OTOA: variants seen among roughly 807,000 people sequenced by gnomAD.
OTOA encodes the protein cancer/testis antigen 108.
A neutral mutation model predicts 110.8 loss-of-function variants in OTOA; 70 were observed. The ratio of observed to expected loss-of-function variants is 0.63; its 90% CI spans 0.52 to 0.77. The LOEUF is 0.77. OTOA is among the 30% of genes least tolerant of loss of function. The pLI is 0.00. For missense variants in OTOA, 917 were observed against 1,075.8 expected (o/e 0.85, Z 2.06); for synonymous variants, 373 against 431.5 (o/e 0.86, Z 1.68).
intron 11 of OTOA, among the ~76,000 whole-genome samples, chr16:21,701,948 G>GTT (rs66850947): frequency 1.0e-5 from 1 of 96,240 alleles, no homozygotes; most frequent in Non-Finnish European, 2.1e-5. Flanking sequence ...ATTCAATCCT[G>GTT]TTTTTTTTTT....
chr16:21,713,117 C>T (rs1415853460), intron 13 of OTOA, among the ~76,000 whole-genome samples: 1 of 152,064 alleles, frequency 6.6e-6, no homozygotes, highest in Non-Finnish European at 1.5e-5. Context: ...GCACATGCCA[C>T]TACGCCGGGC....
At chr16:21,691,561 A>T in intron 8 of OTOA, 23 bp from the exon 9 acceptor site, 2 of 1,591,316 alleles carry the variant, frequency 1.3e-6, no homozygotes, top group Non-Finnish European at 1.7e-6. Context: ...TTATTAGCTG[A>T]TGCCTGTGTT....
intron 17 of OTOA, 122 bp from the exon 18 acceptor site, chr16:21,722,783 G>A: frequency 1.2e-6 from 1 of 820,890 alleles, no homozygotes. Flanking sequence ...TTACATCATA[G>A]GGTGCTCTAT....
At chr16:21,702,566 G>A (rs779726668) in intron 11 of OTOA, among the ~76,000 whole-genome samples, 131 of 152,214 alleles carry the variant, frequency 8.6e-4, no homozygotes, top group Non-Finnish European at 1.1e-3. Flanking sequence ...CTATACTTCC[G>A]CTTCCCCATC....
rs1798989012 is a variant in OTOA at position 21,702,418 on chromosome 16, G to A, written c.980+1391G>A. Among the ~76,000 whole-genome samples the A allele has an allele frequency of 2.0e-5, 3 of 152,104 alleles. No homozygotes were observed. In the South Asian group the frequency reaches 6.2e-4, roughly 32 times the overall value. On this transcript the variant is annotated intron_variant, in intron 11 of 28. Transcript: ENST00000646100. ...TAGTAATTTTCACTTATTAGCATGT[G>A]TCTCATTTTTCTATGGTTTCACACA... is the stretch of plus-strand genomic sequence containing the variant.
At chr16:21,665,543 C>G (rs1966839226) in intron 1 of OTOA, among the ~76,000 whole-genome samples, 1 of 152,104 alleles carries the variant, frequency 6.6e-6, no homozygotes, top group Admixed American at 6.6e-5. Context: ...GCACTGAACT[C>G]ATCTGTGAAA....
At chr16:21,685,589 G>A (rs1440211083) in intron 7 of OTOA, among the ~76,000 whole-genome samples, 1 of 152,104 alleles carries the variant, frequency 6.6e-6, no homozygotes, top group Non-Finnish European at 1.5e-5. Flanking sequence ...TTGTTTTAGA[G>A]TCTCACTCTG....
At chr16:21,703,841 A>G (rs930048890) in intron 11 of OTOA, among the ~76,000 whole-genome samples, 11 of 152,142 alleles carry the variant, frequency 7.2e-5, no homozygotes, top group East Asian at 3.9e-4. Context: ...GATGTATGCA[A>G]ATCAGTTGGT....
chr16:21,712,794 G>A (rs1898399846), intron 13 of OTOA, among the ~76,000 whole-genome samples: 1 of 151,982 alleles, frequency 6.6e-6, no homozygotes, highest in South Asian at 2.1e-4. Context: ...GCAGTGAGCC[G>A]AGATCGCATC....
intron 11 of OTOA, among the ~76,000 whole-genome samples, chr16:21,702,471 A>G (rs1390441233): frequency 1.3e-5 from 2 of 152,128 alleles, no homozygotes; most frequent in African/African-American, 2.4e-5. Context: ...GATTAAGAAC[A>G]TGGGACCTCG....
intron 11 of OTOA, among the ~76,000 whole-genome samples, chr16:21,704,726 C>T (rs1019467617): frequency 1.3e-5 from 2 of 152,020 alleles, no homozygotes; most frequent in Non-Finnish European, 2.9e-5. Context: ...TAGAGAGAAA[C>T]GGTTACTGTG....
chr16:21,696,746 C>T (rs952091320), intron 9 of OTOA, among the ~76,000 whole-genome samples: 3 of 151,676 alleles, frequency 2.0e-5, no homozygotes, highest in African/African-American at 7.3e-5. Flanking sequence ...TTAGTAGAGA[C>T]GGGATTTCGT....
At chr16:21,756,404 A>T (rs1899986788) in intron 27 of OTOA, among the ~76,000 whole-genome samples, 1 of 152,084 alleles carries the variant, frequency 6.6e-6, no homozygotes, top group Admixed American at 6.6e-5. Flanking sequence ...TCAGCAGAGG[A>T]GATGAGTTCT....
intron 12 of OTOA, among the ~76,000 whole-genome samples, chr16:21,707,641 C>CT (rs1487412442): frequency 2.0e-5 from 2 of 102,184 alleles, no homozygotes; most frequent in Admixed American, 1.1e-4. Context: ...TTCTTTCTTT[C>CT]TTTCTTTCTT....
rs148039543 is a variant in OTOA, at chr16:21,731,455, C to T, written c.2301+525C>T. 6.8e-4 allele frequency among the ~76,000 whole-genome samples: 103 copies of T among 152,344 alleles called. 1 individual carries two copies. Among genetic ancestry groups the T allele is most frequent in the African/African-American group, 2.2e-3 (92 of 41,574 alleles). ...GCTGCATAACAAAGCCACACAATCT[C>T]AAGGGCATAGAACAATTCGCATATG... On this transcript the variant is annotated intron_variant, in intron 21 of 28. Coordinates refer to ENST00000646100, the MANE Select transcript of OTOA (RefSeq NM_144672.4).
At chr16:21,705,656 C>CA (rs888324687) in intron 12 of OTOA, among the ~76,000 whole-genome samples, 5 of 151,450 alleles carry the variant, frequency 3.3e-5, no homozygotes. Context: ...GCAAAAAATA[C>CA]AAAAAAATGG....
Position 21,664,978 on chromosome 16 carries a change from GAATAAATA to G in OTOA, c.-5+777_-5+784del, listed in dbSNP as rs113140289. ...CACAGGGAGACTCTGTCTCATGAAT[GAATAAATA>G]AATAAATAAATAAATAAATAAATAA... On this transcript the variant is annotated intron_variant, in intron 1 of 28. Coordinates refer to ENST00000646100, the MANE Select transcript of OTOA (RefSeq NM_144672.4). Among the ~76,000 whole-genome samples the G allele has an allele frequency of 6.1e-3, 878 of 145,018 alleles. 4 individuals are homozygous for G. The highest frequency in any genetic ancestry group is 0.015 in the African/African-American group (592 of 38,238).
intron 12 of OTOA, among the ~76,000 whole-genome samples, chr16:21,707,888 A>G (rs962749406): frequency 6.7e-6 from 1 of 148,778 alleles, no homozygotes; most frequent in Non-Finnish European, 1.5e-5. Flanking sequence ...TCTGCCTCCC[A>G]GGTTCAAGCA....
chr16:21,669,119 G>A (rs998595290), intron 1 of OTOA, among the ~76,000 whole-genome samples: 2 of 151,998 alleles, frequency 1.3e-5, no homozygotes, highest in Admixed American at 6.6e-5. Flanking sequence ...TGTGTCAGGT[G>A]GATCCCTTGA....
Sources: allele counts gnomAD v4.1 joint callset (sites outside exome capture counted in the v4.1 genomes callset), GRCh38; gene constraint gnomAD v4.1.1; transcripts MANE v1.5; gene names NCBI Gene and HGNC (gene_info 2026-07-23, HGNC 2026-07-21).